STXBP5L: variants seen among roughly 807,000 people sequenced by gnomAD.
The protein encoded by STXBP5L is syntaxin-binding protein 5-like.
STXBP5L carries 65 observed loss-of-function variants against 144.5 expected under a neutral mutation model. That is an observed-to-expected ratio of 0.45 (90% CI 0.37 to 0.55). STXBP5L has a LOEUF of 0.55. Ranked by LOEUF, STXBP5L falls within the 20% of genes least tolerant of loss-of-function variation. The pLI, the probability that STXBP5L is intolerant of heterozygous loss-of-function variation, is 0.00. For synonymous variants in STXBP5L, 505 were observed against 469.6 expected, an observed-to-expected ratio of 1.08 and a Z score of -0.97; for missense variants, 1,298 against 1,405.5, an observed-to-expected ratio of 0.92 and a Z score of 1.22.
chr3:121,176,440 A>G (rs1365846368), intron 9 of STXBP5L, among the ~76,000 whole-genome samples: 1 of 150,408 alleles, frequency 6.6e-6, no homozygotes, highest in African/African-American at 2.4e-5. Context: ...TGAAACCAAA[A>G]GAGAGTTCTT....
intron 20 of STXBP5L, among the ~76,000 whole-genome samples, chr3:121,370,113 T>A (rs1285361574): frequency 6.6e-6 from 1 of 152,020 alleles, no homozygotes; most frequent in African/African-American, 2.4e-5. Context: ...TGTTTGTAAA[T>A]CCAGCACTTT....
chr3:121,180,786 A>C (rs1213330765), intron 9 of STXBP5L, among the ~76,000 whole-genome samples: 1 of 152,224 alleles, frequency 6.6e-6, no homozygotes, highest in Admixed American at 6.5e-5. Context: ...AGGCAGGAGA[A>C]TCACTTGAAC....
intron 9 of STXBP5L, among the ~76,000 whole-genome samples, chr3:121,173,970 G>A (rs1260534498): frequency 2.0e-5 from 3 of 151,996 alleles, no homozygotes; most frequent in East Asian, 1.9e-4. Context: ...TGTAAGAACC[G>A]GAGGGATCAC....
intron 5 of STXBP5L, among the ~76,000 whole-genome samples, chr3:121,114,551 G>T (rs1366733040): frequency 6.6e-6 from 1 of 152,050 alleles, no homozygotes; most frequent in Non-Finnish European, 1.5e-5. Context: ...TGTTAATTTT[G>T]TAACCAAACA....
At chr3:121,099,036 T>C (rs2043282023) in intron 5 of STXBP5L, 1 of 152,214 alleles carries the variant, frequency 6.6e-6, no homozygotes, top group African/African-American at 2.4e-5. Context: ...TATACATTCG[T>C]AAGCTTCCCC....
intron 5 of STXBP5L, among the ~76,000 whole-genome samples, chr3:121,059,567 G>T (rs958853953): frequency 2.0e-5 from 3 of 152,132 alleles, no homozygotes; most frequent in Non-Finnish European, 4.4e-5. Context: ...ACTTTGGTCA[G>T]TATGGCCATT....
intron 3 of STXBP5L, among the ~76,000 whole-genome samples, chr3:120,978,669 T>C (rs1430548579): frequency 7.8e-6 from 1 of 128,470 alleles, no homozygotes; most frequent in African/African-American, 2.9e-5. Flanking sequence ...TCCCCATCTT[T>C]GTGGTTTTAT....
At chr3:120,925,211 G>A (rs1480409431) in intron 2 of STXBP5L, 2 of 152,208 alleles carry the variant, frequency 1.3e-5, no homozygotes, top group African/African-American at 2.4e-5. Context: ...TAATGACAAT[G>A]TCCACACTTC....
In STXBP5L at chr3:120,984,911, A is replaced by G. The variant is rs537196862; in HGVS notation, c.287+29874A>G. ...TTTGTCAAATGCTTTTTCTACATCA[A>G]TTGAGATGTTGTGTGTTTTTTCCCA... On this transcript the variant is annotated intron_variant, in intron 3 of 26. Transcript: ENST00000471454. Among the ~76,000 whole-genome samples the G allele has an allele frequency of 7.2e-5, 11 of 152,058 alleles. No individual in the cohort carries two copies. In the South Asian group the frequency reaches 2.3e-3, roughly 32 times the overall value.
intron 3 of STXBP5L, among the ~76,000 whole-genome samples, chr3:120,957,000 G>A (rs1220188153): frequency 6.6e-6 from 1 of 151,794 alleles, no homozygotes; most frequent in East Asian, 1.9e-4. Flanking sequence ...GTGAATTTTT[G>A]TATATAGTAA....
intron 3 of STXBP5L, among the ~76,000 whole-genome samples, chr3:121,012,712 C>T (rs1944872049): frequency 6.6e-6 from 1 of 151,626 alleles, no homozygotes; most frequent in African/African-American, 2.4e-5. Context: ...TTAGGGGATA[C>T]ATGTGCATGT....
intron 7 of STXBP5L, 70 bp downstream of exon 7, chr3:121,121,774 T>G: frequency 8.6e-7 from 1 of 1,167,336 alleles, no homozygotes; most frequent in Non-Finnish European, 1.3e-6. Flanking sequence ...TTCTTACTAT[T>G]ATTTTATATC....
chr3:121,046,517 A>G (rs930751225), intron 5 of STXBP5L, among the ~76,000 whole-genome samples: 3 of 151,928 alleles, frequency 2.0e-5, no homozygotes, highest in Admixed American at 6.6e-5. Flanking sequence ...TAGGCTTTTT[A>G]TTACTGATTT....
intron 14 of STXBP5L, among the ~76,000 whole-genome samples, chr3:121,245,522 GA>G (rs1559900976): frequency 6.6e-6 from 1 of 151,990 alleles, no homozygotes; most frequent in Non-Finnish European, 1.5e-5. Context: ...TGGCTTGATT[GA>G]AAAAAGTAGA....
chr3:121,165,517 G>A (rs2046467355), intron 9 of STXBP5L, among the ~76,000 whole-genome samples: 1 of 152,102 alleles, frequency 6.6e-6, no homozygotes, highest in Admixed American at 6.5e-5. Context: ...CATTGAAGTG[G>A]TTTAGGTTGG....
intron 2 of STXBP5L, among the ~76,000 whole-genome samples, chr3:120,952,236 G>A (rs1711302789): frequency 6.6e-6 from 1 of 151,936 alleles, no homozygotes; most frequent in South Asian, 2.1e-4. Flanking sequence ...AAGCCAGCTG[G>A]GATTTTGACA....
At chr3:121,050,057 C>A (rs912368789) in intron 5 of STXBP5L, among the ~76,000 whole-genome samples, 26 of 152,108 alleles carry the variant, frequency 1.7e-4, no homozygotes, top group African/African-American at 5.8e-4. Flanking sequence ...TCTGGGTGGG[C>A]AATTGTCCTG....
At chr3:121,098,925 T>C (rs1461659949) in intron 5 of STXBP5L, among the ~76,000 whole-genome samples, 1 of 152,132 alleles carries the variant, frequency 6.6e-6, no homozygotes, top group Non-Finnish European at 1.5e-5. Flanking sequence ...ATTATCATGG[T>C]CCCCAGCATC....
rs141476996 is a variant in STXBP5L, at chr3:121,298,228, C to G, written c.2110+18272C>G. Among the ~76,000 whole-genome samples the G allele has an allele frequency of 2.7e-3, 417 of 152,280 alleles. 3 individuals carry two copies. The highest frequency in any genetic ancestry group is 9.1e-3 in the African/African-American group (377 of 41,554). Reference sequence around the variant, plus strand: ...GGTGATATCTCATGGTAGTTTCAATCTGCATTTCCCTGATAATTAGTGATG... The same window carrying G: ...GGTGATATCTCATGGTAGTTTCAATGTGCATTTCCCTGATAATTAGTGATG... On this transcript the variant is annotated intron_variant, in intron 19 of 26. Coordinates refer to ENST00000471454, the MANE Select transcript of STXBP5L (RefSeq NM_001308330.2).
Sources: gnomAD v4.1 joint callset for allele counts (sites outside exome capture counted in the v4.1 genomes callset) on GRCh38, gnomAD v4.1.1 for gene constraint, MANE v1.5 for transcripts, NCBI Gene and HGNC (gene_info 2026-07-23, HGNC 2026-07-21) for gene names.